The following ZNF717 variants were observed in gnomAD, a reference collection of about 807,000 sequenced individuals.
ZNF717 encodes the protein zinc finger protein 717, also known as krueppel-like factor X17.
A neutral mutation model predicts 13.8 loss-of-function variants in ZNF717; 9 were observed. That is an observed-to-expected ratio of 0.65 (90% confidence interval 0.39 to 1.14). The LOEUF (loss-of-function observed/expected upper bound fraction) is 1.14. ZNF717 is among the 50% of genes most tolerant of loss of function. The pLI is 0.01. For missense variants in ZNF717, 1,040 were observed against 1,080.7 expected, an observed-to-expected ratio of 0.96 and a Z score of 0.53; for synonymous variants, 327 against 364.1, an observed-to-expected ratio of 0.90 and a Z score of 1.16.
At chr3:75,758,919 T>C (rs1488496322) in intron 2 of ZNF717, among the ~76,000 whole-genome samples, 5 of 152,120 alleles carry the variant, frequency 3.3e-5, no homozygotes, top group South Asian at 2.1e-4. Context: ...GGGGGTTTGA[T>C]TGAGCAGGAG....
At chr3:75,717,976 C>A (rs1417783443) in intron 4 of ZNF717, among the ~76,000 whole-genome samples, 1 of 152,082 alleles carries the variant, frequency 6.6e-6, no homozygotes, top group Non-Finnish European at 1.5e-5. Context: ...GGGACTTGAT[C>A]CCAAGGAGAC....
chr3:75,717,780 C>T (rs1938085845), intron 4 of ZNF717, among the ~76,000 whole-genome samples: 1 of 152,164 alleles, frequency 6.6e-6, no homozygotes, highest in South Asian at 2.1e-4. Flanking sequence ...ACAATATTGG[C>T]AATACAGTAT....
At position 75,741,657 on chromosome 3, in the gene ZNF717, A is replaced by T; in HGVS notation, c.137T>A (p.Leu46Gln). 1 of 1,599,972 alleles carries T rather than the reference A, an allele frequency of 6.3e-7. No homozygotes were observed. ...GGTCTCCAGCATCACGTCCCTGTAC[A>T]GGGTCCTCTGAGCATCATCCAGGTC... ...WQDLDDAQRT[L>Q]YRDVMLETYS... The change falls in exon 3 of 5, where the codon CTG (leucine) becomes CAG (glutamine). Residue 46 changes from leucine to glutamine, a missense_variant. Physicochemically the swap from Leu to Gln is moderately radical, Grantham distance 113 (BLOSUM62 -2). Coordinates refer to ENST00000652011, the MANE Select transcript of ZNF717 (RefSeq NM_001290208.3).
At chr3:75,764,998 T>C (rs1321697889) in intron 2 of ZNF717, among the ~76,000 whole-genome samples, 1 of 22,812 alleles carries the variant, frequency 4.4e-5, no homozygotes, top group African/African-American at 1.7e-4. Context: ...AGGATATATA[T>C]ATATATATAT....
chr3:75,710,680 A>G (rs74971439), exon 6 of ZNF717: 2 of 152,182 alleles, frequency 1.3e-5, no homozygotes, highest in Admixed American at 1.3e-4. Context: ...ATCAGGCACA[A>G]GTTTATTCTT....
chr3:75,735,456 T>C (rs1939045855), downstream of ZNF717, among the ~76,000 whole-genome samples: 1 of 53,242 alleles, frequency 1.9e-5, no homozygotes, highest in South Asian at 7.0e-4. Flanking sequence ...TGAGACCCTG[T>C]CCCTACAGAA....
At chr3:75,706,527 A>C (rs1937806070), downstream of ZNF717, among the ~76,000 whole-genome samples, 1 of 152,300 alleles carries the variant, frequency 6.6e-6, no homozygotes, top group South Asian at 2.1e-4. Flanking sequence ...CCCAGGCCTC[A>C]CAGAGGAGGT....
At chr3:75,753,407 C>G (rs1451814666) in intron 2 of ZNF717, among the ~76,000 whole-genome samples, 2 of 146,578 alleles carry the variant, frequency 1.4e-5, no homozygotes, top group African/African-American at 5.0e-5. Context: ...GAATGTTTGC[C>G]TCTCACATAG....
rs1944948970 is a variant in ZNF717 at position 75,783,364 on chromosome 3, G to A, written c.-2C>T. The A allele has an allele frequency of 1.3e-6, 2 of 1,550,914 alleles. No homozygotes were observed. The highest frequency in any genetic ancestry group is 1.7e-4 in the Middle Eastern group (1 of 5,982). On this transcript the variant is annotated splice_region_variant and 5_prime_UTR_variant, in exon 2 of 5. Transcript: ENST00000652011. The stretch of plus-strand genomic sequence containing the variant: ...ACAGCCAGAGAACACTGGAAACATA[G>A]CTGAGAGAGAAGGCAAATGACGTGA...
In ZNF717 at chr3:75,737,218, GT is replaced by G. The variant is rs1490793277; in HGVS notation, c.2404del (p.Thr802ProfsTer92). ...RKTFYDKTVL[T>X]IHQRTHTGEK... ...ACCTGTGTGAGTTCTCTGATGTATG[GT>G]GAGAACTGTCTTATCGTAAAAAGTT... On this transcript the variant is annotated frameshift_variant, in exon 5 of 5. Transcript: ENST00000652011. LOFTEE classifies it low-confidence loss of function (END_TRUNC). The G allele has an allele frequency of 6.4e-7, 1 of 1,553,490 alleles. No homozygotes were observed. Among genetic ancestry groups the G allele is most frequent in the African/African-American group, 1.4e-5 (1 of 73,040 alleles).
At chr3:75,746,106 G>A (rs1356384298) in intron 2 of ZNF717, among the ~76,000 whole-genome samples, 18 of 152,082 alleles carry the variant, frequency 1.2e-4, no homozygotes, top group Non-Finnish European at 2.1e-4. Flanking sequence ...TCCGACCTAT[G>A]AGTGAGAACA....
At chr3:75,766,313 T>C (rs1943462664) in intron 2 of ZNF717, among the ~76,000 whole-genome samples, 2 of 148,330 alleles carry the variant, frequency 1.3e-5, no homozygotes, top group African/African-American at 2.5e-5. Context: ...TGAGAAAAAA[T>C]ATGCTATGCA....
In ZNF717 at chr3:75,765,017, A is replaced by G. The variant is rs868524164; in HGVS notation, c.57+18289T>C. Among the ~76,000 whole-genome samples the G allele has an allele frequency of 2.9e-3, 89 of 30,984 alleles. 1 individual carries two copies. Among genetic ancestry groups the G allele is most frequent in the Middle Eastern group, 0.014 (1 of 74 alleles). 20.3% of individuals were successfully genotyped at this position (30,984 alleles called of 152,430 possible). On this transcript the variant is annotated intron_variant, in intron 2 of 4. Transcript: ENST00000652011. ...TATATATATATATATATATATATAT[A>G]TATATATATATATGTATATGTGTGT...
At chr3:75,780,236 G>A (rs59018221) in intron 2 of ZNF717, among the ~76,000 whole-genome samples, 26,771 of 150,760 alleles carry the variant, frequency 0.18, 2,384 homozygotes, top group African/African-American at 0.21. Context: ...TGGGAGTGAC[G>A]TGCTAAACCC....
intron 2 of ZNF717, among the ~76,000 whole-genome samples, chr3:75,756,956 G>GTCA (rs1942545985): frequency 1.3e-5 from 2 of 151,222 alleles, no homozygotes; most frequent in African/African-American, 2.4e-5. Flanking sequence ...GATTACAGGC[G>GTCA]TGACAGCCAC....
chr3:75,744,773 T>C (rs1940954168), intron 2 of ZNF717, among the ~76,000 whole-genome samples: 1 of 152,246 alleles, frequency 6.6e-6, no homozygotes, highest in Non-Finnish European at 1.5e-5. Context: ...GAAAACCATT[T>C]TGAAATATGT....
At chr3:75,783,120 C>T (rs1206789981) in intron 2 of ZNF717, among the ~76,000 whole-genome samples, 186 bp downstream of exon 2, 1 of 152,208 alleles carries the variant, frequency 6.6e-6, no homozygotes, top group East Asian at 1.9e-4. Flanking sequence ...GGAAAATTTG[C>T]ACTCAACTTA....
chr3:75,729,129 G>GGGAACAA (rs1938368622), downstream of ZNF717, among the ~76,000 whole-genome samples: 14 of 24,146 alleles, frequency 5.8e-4, 1 homozygote, highest in South Asian at 2.7e-3. Flanking sequence ...AACAGGGAGG[G>GGGAACAA]TGAACAATCA....
chr3:75,762,753 A>G (rs1366959834), intron 2 of ZNF717, among the ~76,000 whole-genome samples: 1 of 152,214 alleles, frequency 6.6e-6, no homozygotes, highest in African/African-American at 2.4e-5. Context: ...AGGCAAATCA[A>G]TCTTGAAACA....
Sources: allele counts gnomAD v4.1 joint callset (sites outside exome capture counted in the v4.1 genomes callset), GRCh38; gene constraint gnomAD v4.1.1; transcripts MANE v1.5; gene names NCBI Gene and HGNC (gene_info 2026-07-23, HGNC 2026-07-21).